BLTP3B: variants seen among roughly 807,000 people sequenced by gnomAD.
BLTP3B encodes the protein bridge-like lipid transfer protein family member 3B.
At chr12:100,098,019 C>G in the BLTP3B span, among the ~76,000 whole-genome samples, 2 of 152,072 alleles carry the variant, frequency 1.3e-5, no homozygotes, top group South Asian at 4.1e-4. Context: ...GAGTATGAGA[C>G]CAGCCTGGGC....
At chr12:100,084,360 T>G in the BLTP3B span, 1 of 1,096,322 alleles carries the variant, frequency 9.1e-7, no homozygotes, top group South Asian at 2.0e-5. Context: ...AAATACTCAT[T>G]TACAGGAAAT....
At chr12:100,093,986 G>C in the BLTP3B span, among the ~76,000 whole-genome samples, 1 of 152,002 alleles carries the variant, frequency 6.6e-6, no homozygotes, top group Non-Finnish European at 1.5e-5. Context: ...TAACCTCTTT[G>C]TGAAACCTTT....
the BLTP3B span, chr12:100,058,465 G>A: frequency 1.2e-6 from 2 of 1,613,146 alleles, no homozygotes; most frequent in Non-Finnish European, 1.7e-6. Flanking sequence ...ATATGGCTAA[G>A]GTCAACACTC....
At chr12:100,084,613 G>GC in the BLTP3B span, 1 of 1,613,764 alleles carries the variant, frequency 6.2e-7, no homozygotes, top group East Asian at 2.2e-5. Flanking sequence ...TCCATTTTTT[G>GC]TTTTGGTTGC....
chr12:100,063,108 T>C, the BLTP3B span, among the ~76,000 whole-genome samples: 1 of 152,124 alleles, frequency 6.6e-6, no homozygotes, highest in African/African-American at 2.4e-5. Context: ...CGGATGGACG[T>C]AGCAGTGTGT....
chr12:100,110,064 A>G, the BLTP3B span, among the ~76,000 whole-genome samples: 3 of 152,234 alleles, frequency 2.0e-5, no homozygotes, highest in Admixed American at 1.3e-4. Flanking sequence ...AAAAATTACT[A>G]ACTATGCCCA....
chr12:100,133,190 C>G, the BLTP3B span, among the ~76,000 whole-genome samples: 5 of 151,418 alleles, frequency 3.3e-5, no homozygotes, highest in African/African-American at 1.2e-4. Flanking sequence ...TGCAGTGAGC[C>G]GAGATCACAC....
At chr12:100,090,132 T>C in the BLTP3B span, among the ~76,000 whole-genome samples, 1 of 152,208 alleles carries the variant, frequency 6.6e-6, no homozygotes, top group Non-Finnish European at 1.5e-5. Flanking sequence ...GGGACTAATA[T>C]GATATCCTAT....
At chr12:100,052,465 T>A in the BLTP3B span, among the ~76,000 whole-genome samples, 1 of 152,002 alleles carries the variant, frequency 6.6e-6, no homozygotes, top group South Asian at 2.1e-4. Flanking sequence ...CGAAGAGTTA[T>A]CCTTAACCAC....
chr12:100,088,238 G>C, the BLTP3B span, among the ~76,000 whole-genome samples: 1 of 152,138 alleles, frequency 6.6e-6, no homozygotes, highest in Non-Finnish European at 1.5e-5. Context: ...ACCAAAGTTT[G>C]AGAATTATAG....
chr12:100,072,657 TAA>T, the BLTP3B span: 57 of 1,481,342 alleles, frequency 3.8e-5, 1 homozygote, highest in South Asian at 7.9e-4. Flanking sequence ...AAATAATAAT[TAA>T]AAACTCTCTT....
the BLTP3B span, among the ~76,000 whole-genome samples, chr12:100,120,347 T>C: frequency 6.6e-6 from 1 of 151,796 alleles, no homozygotes; most frequent in African/African-American, 2.4e-5. Flanking sequence ...CACTCCAACC[T>C]GGGTGACAGA....
chr12:100,102,902 C>T, the BLTP3B span: 34 of 1,122,514 alleles, frequency 3.0e-5, no homozygotes, highest in Admixed American at 5.1e-5. Flanking sequence ...ATTTATTCTA[C>T]GTATATTATT....
chr12:100,124,788 G>A, the BLTP3B span, among the ~76,000 whole-genome samples: 1 of 150,676 alleles, frequency 6.6e-6, no homozygotes, highest in Non-Finnish European at 1.5e-5. Flanking sequence ...TGGGCATGGT[G>A]GCACACACCT....
At chr12:100,112,098 T>G in the BLTP3B span, among the ~76,000 whole-genome samples, 1 of 152,186 alleles carries the variant, frequency 6.6e-6, no homozygotes, top group African/African-American at 2.4e-5. Context: ...AACGAGCATG[T>G]ACCACTTTTA....
chr12:100,135,469 A>G, the BLTP3B span, among the ~76,000 whole-genome samples: 1 of 151,868 alleles, frequency 6.6e-6, no homozygotes, highest in Non-Finnish European at 1.5e-5. Flanking sequence ...GGATTTCACC[A>G]TGTTGGCCAG....
chr12:100,043,838 T>C, the BLTP3B span, among the ~76,000 whole-genome samples: 10 of 152,334 alleles, frequency 6.6e-5, no homozygotes, highest in East Asian at 1.9e-4. Context: ...ATTCATGCTG[T>C]TGCCTCAGGG....
chr12:100,108,313 C>A, the BLTP3B span: 1 of 1,489,088 alleles, frequency 6.7e-7, no homozygotes, highest in Non-Finnish European at 9.0e-7. Context: ...ATTTTAAAAG[C>A]TAGAGCCAAA....
chr12:100,134,616 C>CAA, the BLTP3B span, among the ~76,000 whole-genome samples: 17 of 139,228 alleles, frequency 1.2e-4, no homozygotes, highest in African/African-American at 3.6e-4. Flanking sequence ...GACTCTGTCT[C>CAA]AAAAAAAAAA....
Sources: gnomAD v4.1 joint callset for allele counts (sites outside exome capture counted in the v4.1 genomes callset) on GRCh38, gnomAD v4.1.1 for gene constraint, MANE v1.5 for transcripts, NCBI Gene and HGNC (gene_info 2026-07-23, HGNC 2026-07-21) for gene names.